UNC13C: variants seen among roughly 807,000 people sequenced by gnomAD.
UNC13C encodes protein unc-13 homolog C.
UNC13C carries 174 observed loss-of-function variants against 245.4 expected under a neutral mutation model. That is an observed-to-expected ratio of 0.71 (90% confidence interval 0.63 to 0.80). The LOEUF is 0.80. UNC13C is among the 30% of genes least tolerant of loss of function. The pLI, the probability that UNC13C is intolerant of heterozygous loss-of-function variation, is 0.00. For missense variants in UNC13C, 2,829 were observed against 2,602.9 expected, an observed-to-expected ratio of 1.09 and a Z score of -1.89; for synonymous variants, 992 against 895.1, an observed-to-expected ratio of 1.11 and a Z score of -1.93.
At chr15:54,108,183 C>G (rs1462554078) in intron 2 of UNC13C, among the ~76,000 whole-genome samples, 1 of 95,962 alleles carries the variant, frequency 1.0e-5, no homozygotes, top group East Asian at 3.0e-4. Context: ...ATGTAGTTTG[C>G]TAAATAATAC....
chr15:54,154,225 A>G (rs1013037115), intron 4 of UNC13C, among the ~76,000 whole-genome samples: 18 of 152,000 alleles, frequency 1.2e-4, no homozygotes, highest in East Asian at 3.9e-4. Context: ...TTATTCACCA[A>G]TCTACTTTCT....
intron 2 of UNC13C, among the ~76,000 whole-genome samples, chr15:54,111,543 G>A (rs1409791028): frequency 6.6e-6 from 1 of 152,126 alleles, no homozygotes; most frequent in African/African-American, 2.4e-5. Context: ...GGAAACCACA[G>A]GGCCTCTCAG....
At chr15:53,864,954 G>A in the UNC13C span, among the ~76,000 whole-genome samples, 3 of 152,112 alleles carry the variant, frequency 2.0e-5, no homozygotes, top group Non-Finnish European at 1.5e-5. Flanking sequence ...TTAACCAGGG[G>A]TCAGAAGTCC....
intron 10 of UNC13C, among the ~76,000 whole-genome samples, chr15:54,288,588 A>C (rs11071066): frequency 0.57 from 85,777 of 151,612 alleles, 26,175 homozygotes; most frequent in African/African-American, 0.8. Context: ...CATTGGCTAA[A>C]GTCCATCTCT....
chr15:54,187,716 C>T (rs1301675825), intron 4 of UNC13C, among the ~76,000 whole-genome samples: 2 of 152,178 alleles, frequency 1.3e-5, no homozygotes, highest in East Asian at 1.9e-4. Flanking sequence ...ACTCAAGCAG[C>T]TGTATTTATA....
the UNC13C span, among the ~76,000 whole-genome samples, chr15:53,889,652 C>T: frequency 5.9e-5 from 9 of 152,130 alleles, no homozygotes; most frequent in Non-Finnish European, 1.2e-4. Context: ...GGAATGCTTC[C>T]AATTTTTGCC....
chr15:53,965,566 AT>A, the UNC13C span, among the ~76,000 whole-genome samples: 2 of 117,424 alleles, frequency 1.7e-5, no homozygotes, highest in Non-Finnish European at 3.4e-5. Flanking sequence ...TTATTTATTT[AT>A]TTATTATTAT....
At position 54,015,576 on chromosome 15, in the gene UNC13C, C is replaced by G; in HGVS notation, c.2673C>G (p.Asn891Lys). 6.2e-7 allele frequency: 1 copy of G among 1,613,794 alleles called. No homozygotes were observed. Among genetic ancestry groups the G allele is most frequent in the Non-Finnish European group, 8.5e-7 (1 of 1,179,788 alleles). The change falls in exon 2 of 33, where the codon AAC becomes AAG. Residue 891 changes from asparagine to lysine, a missense_variant. Asn to Lys is a moderately conservative substitution (Grantham distance 94, BLOSUM62 0). Coordinates refer to ENST00000260323, the MANE Select transcript of UNC13C (RefSeq NM_001080534.3). ...VMEQVLAKLE[N>K]RTSITETDEQ... ...AACAAGTCCTTGCTAAACTAGAAAA[C>G]AGGACTAGTATTACTGAAACAGATG...
At chr15:54,039,550 G>C (rs1896726376) in intron 2 of UNC13C, among the ~76,000 whole-genome samples, 1 of 151,710 alleles carries the variant, frequency 6.6e-6, no homozygotes, top group Admixed American at 6.6e-5. Context: ...TTCACTTCCA[G>C]TTTTCTAAGC....
At chr15:54,325,136 G>A (rs1163250430) in intron 14 of UNC13C, among the ~76,000 whole-genome samples, 2 of 151,956 alleles carry the variant, frequency 1.3e-5, no homozygotes, top group Non-Finnish European at 2.9e-5. Context: ...ATATGATACA[G>A]TCATTAAAAA....
At chr15:54,065,798 T>C (rs1433834888) in intron 2 of UNC13C, among the ~76,000 whole-genome samples, 2 of 152,212 alleles carry the variant, frequency 1.3e-5, no homozygotes, top group East Asian at 1.9e-4. Context: ...TTGTGCATCT[T>C]GGAAGAGGAA....
At chr15:54,613,263 G>A (rs1169031914) in intron 30 of UNC13C, among the ~76,000 whole-genome samples, 1 of 151,660 alleles carries the variant, frequency 6.6e-6, no homozygotes, top group Non-Finnish European at 1.5e-5. Context: ...ACCTCCAAAA[G>A]ATTTTGAAAT....
intron 2 of UNC13C, among the ~76,000 whole-genome samples, chr15:54,126,868 AAAC>A (rs1463201585): frequency 6.6e-6 from 1 of 152,198 alleles, no homozygotes; most frequent in Non-Finnish European, 1.5e-5. Context: ...TACAAGAAAA[AAAC>A]AACCCCATCA....
the UNC13C span, among the ~76,000 whole-genome samples, chr15:53,888,417 T>A: frequency 1.1e-4 from 16 of 152,316 alleles, no homozygotes; most frequent in South Asian, 3.1e-3. Context: ...TCTTGTAAAT[T>A]TGTTTAAGTT....
In UNC13C at chr15:54,310,625, GA is replaced by G. The variant is rs147180856; in HGVS notation, c.4268+10254del. Among the ~76,000 whole-genome samples, 529 of 151,816 alleles carry G rather than the reference GA, an allele frequency of 3.5e-3. 19 individuals carry two copies. In the East Asian group the frequency reaches 0.066, roughly 19 times the overall value. Reference sequence around the variant, plus strand: ...TGGAAAAACTGAATCTAGAAGTGATGAAGTCACTTTTTAAGGTCACAGAAGA... The same window carrying G: ...TGGAAAAACTGAATCTAGAAGTGATGAGTCACTTTTTAAGGTCACAGAAGA... On this transcript the variant is annotated intron_variant, in intron 13 of 32. Coordinates refer to ENST00000260323, the MANE Select transcript of UNC13C (RefSeq NM_001080534.3).
intron 10 of UNC13C, among the ~76,000 whole-genome samples, chr15:54,271,698 G>A (rs1231265355): frequency 6.6e-6 from 1 of 152,188 alleles, no homozygotes. Flanking sequence ...TAGTAGATAT[G>A]TGTTACTTAA....
the UNC13C span, among the ~76,000 whole-genome samples, chr15:53,970,949 A>G: frequency 2.0e-5 from 3 of 152,184 alleles, no homozygotes; most frequent in Non-Finnish European, 4.4e-5. Flanking sequence ...TTTGCATAGT[A>G]GCTACACCAT....
chr15:54,058,663 G>C (rs183762033), intron 2 of UNC13C, among the ~76,000 whole-genome samples: 12 of 152,246 alleles, frequency 7.9e-5, no homozygotes, highest in Admixed American at 7.2e-4. Flanking sequence ...AACCAAAATA[G>C]AGAATTTTAG....
chr15:54,493,589 T>C (rs1313650522), intron 19 of UNC13C, among the ~76,000 whole-genome samples: 1 of 152,124 alleles, frequency 6.6e-6, no homozygotes, highest in Non-Finnish European at 1.5e-5. Context: ...CTTCAAATAG[T>C]GTTTTAAGAA....
Sources: allele counts gnomAD v4.1 joint callset (sites outside exome capture counted in the v4.1 genomes callset), GRCh38; gene constraint gnomAD v4.1.1; transcripts MANE v1.5; gene names NCBI Gene and HGNC (gene_info 2026-07-23, HGNC 2026-07-21).